Variants in BMS1 observed in about 807,000 individuals in gnomAD.
BMS1 encodes ribosome biogenesis protein BMS1 homolog.
A neutral mutation model predicts 138.7 loss-of-function variants in BMS1; 53 were observed. That is an observed-to-expected ratio of 0.38 (90% confidence interval 0.31 to 0.48). The LOEUF (loss-of-function observed/expected upper bound fraction) is 0.48. BMS1 is among the 20% of genes least tolerant of loss of function. The pLI is 0.97. For synonymous variants in BMS1, 504 were observed against 539.9 expected (o/e 0.93, Z 0.92); for missense variants, 1,360 against 1,565.5 (o/e 0.87, Z 2.22).
Position 42,832,424 on chromosome 10 carries a change from CAA to C in BMS1, c.*1339_*1340del, listed in dbSNP as rs55818372. 67 of 148,586 alleles carry C rather than the reference CAA, an allele frequency of 4.5e-4. No homozygotes were observed. Among genetic ancestry groups the C allele is most frequent in the Middle Eastern group, 3.5e-3 (1 of 288 alleles). The allele number at this position is 148,586 out of a possible 1,614,324, so 9.2% of individuals were successfully genotyped here. On this transcript the variant is annotated 3_prime_UTR_variant, in exon 23 of 23. Coordinates refer to ENST00000374518, the MANE Select transcript of BMS1 (RefSeq NM_014753.4). Reference sequence around the variant, plus strand: ...TGGGCGACAGGGCAAGACCCTGTTTCAAAAAAAAAAAATTATACATATATGTA... The same window carrying C: ...TGGGCGACAGGGCAAGACCCTGTTTCAAAAAAAAAATTATACATATATGTA...
rs376992587 is a variant in BMS1 at position 42,833,673 on chromosome 10, G to A, written c.*2577G>A. 1.3e-5 allele frequency: 2 copies of A among 152,270 alleles called. No individual in the cohort carries two copies. Among genetic ancestry groups the A allele is most frequent in the South Asian group, 2.1e-4 (1 of 4,818 alleles). The allele number at this position is 152,270 out of a possible 1,614,324, so 9.4% of individuals were successfully genotyped here. On this transcript the variant is annotated 3_prime_UTR_variant, in exon 23 of 23. Transcript: ENST00000374518. ...GTCCATCCTTGACTGAACATCATGCGGCATGTGGCTGTATGTATACACATA... is the reference window on the plus strand; with the variant it reads ...GTCCATCCTTGACTGAACATCATGCAGCATGTGGCTGTATGTATACACATA...
intron 2 of BMS1, 137 bp downstream of exon 2, chr10:42,784,707 C>A: frequency 1.9e-6 from 2 of 1,031,668 alleles, no homozygotes; most frequent in East Asian, 2.7e-5. Flanking sequence ...GTGGCTTTCA[C>A]TAAAACGTGA....
intron 13 of BMS1, among the ~76,000 whole-genome samples, chr10:42,810,150 C>T (rs527817925): frequency 3.5e-4 from 53 of 152,148 alleles, no homozygotes; most frequent in African/African-American, 1.2e-3. Flanking sequence ...TGGAATAACT[C>T]TCACTTGATC....
intron 13 of BMS1, among the ~76,000 whole-genome samples, chr10:42,814,170 A>G (rs1248262782): frequency 6.6e-6 from 1 of 152,204 alleles, no homozygotes; most frequent in African/African-American, 2.4e-5. Flanking sequence ...GTCAGGAATT[A>G]GTTATTTGCA....
Position 42,784,382 on chromosome 10 carries a change from G to A in BMS1, c.-13G>A, listed in dbSNP as rs751990017. On this transcript the variant is annotated 5_prime_UTR_variant, in exon 2 of 23. Transcript: ENST00000374518. Reference sequence around the variant, plus strand: ...TGTAGGTTAGAGTTACTTGTTATTGGTAAATAGCCACTATGGAGGCTAAGG... The same window carrying A: ...TGTAGGTTAGAGTTACTTGTTATTGATAAATAGCCACTATGGAGGCTAAGG... 6.3e-6 allele frequency: 10 copies of A among 1,588,412 alleles called. No individual in the cohort carries two copies. The South Asian group carries it at 9.1e-5, about 14-fold the overall frequency.
At chr10:42,808,955 T>G (rs1316420459) in intron 13 of BMS1, among the ~76,000 whole-genome samples, 5 of 152,180 alleles carry the variant, frequency 3.3e-5, no homozygotes, top group African/African-American at 1.2e-4. Flanking sequence ...CTTACTTTAT[T>G]CTTGTTTTTC....
At chr10:42,793,323 A>G (rs539159057) in intron 8 of BMS1, among the ~76,000 whole-genome samples, 179 bp downstream of exon 8, 9 of 151,406 alleles carry the variant, frequency 5.9e-5, no homozygotes, top group South Asian at 2.1e-4. Flanking sequence ...TTTTTTTTTC[A>G]TTGTACCAAG....
At chr10:42,810,438 TTTTTG>T (rs763605538) in intron 13 of BMS1, among the ~76,000 whole-genome samples, 3 of 152,158 alleles carry the variant, frequency 2.0e-5, no homozygotes, top group African/African-American at 7.2e-5. Context: ...TCTGTGAGTT[TTTTTG>T]TTTTGTTTTG....
chr10:42,789,181 C>T (rs1841429200), intron 4 of BMS1, among the ~76,000 whole-genome samples: 1 of 152,188 alleles, frequency 6.6e-6, no homozygotes, highest in Non-Finnish European at 1.5e-5. Flanking sequence ...CCCTGTTCTT[C>T]CTGACCCTAC....
chr10:42,802,726 A>G (rs907050412), intron 13 of BMS1, among the ~76,000 whole-genome samples: 1 of 151,398 alleles, frequency 6.6e-6, no homozygotes, highest in Non-Finnish European at 1.5e-5. Context: ...TGTACTTTTT[A>G]TAAATTTTGT....
intron 21 of BMS1, among the ~76,000 whole-genome samples, chr10:42,828,584 C>G (rs553042927): frequency 1.5e-4 from 23 of 152,048 alleles, no homozygotes; most frequent in Middle Eastern, 3.4e-3. Context: ...CCTGCTGTTC[C>G]ACGTGCTTGC....
At chr10:42,805,101 A>G (rs1841976407) in intron 13 of BMS1, among the ~76,000 whole-genome samples, 1 of 152,174 alleles carries the variant, frequency 6.6e-6, no homozygotes, top group Non-Finnish European at 1.5e-5. Flanking sequence ...TGTCTCATAT[A>G]TTCTGTAAGT....
intron 13 of BMS1, among the ~76,000 whole-genome samples, chr10:42,807,285 A>G (rs1308836048): frequency 6.6e-6 from 1 of 152,210 alleles, no homozygotes; most frequent in Non-Finnish European, 1.5e-5. Context: ...AAATAAACAG[A>G]ATCATACAGT....
Position 42,830,341 on chromosome 10 carries a change from G to A in BMS1, c.3537G>A (p.Lys1179=), listed in dbSNP as rs922672798. 4.3e-6 allele frequency: 7 copies of A among 1,613,914 alleles called. No individual in the cohort carries two copies. Among genetic ancestry groups the A allele is most frequent in the Non-Finnish European group, 5.9e-6 (7 of 1,180,028 alleles). The change falls in exon 22 of 23, where the codon AAG becomes AAA. Residue 1179 remains lysine, a synonymous_variant. Coordinates refer to ENST00000374518, the MANE Select transcript of BMS1 (RefSeq NM_014753.4). The part of the protein sequence containing the change: ...ALQKALPFKN[K]PKTQAKAGKV... ...AGAAGGCCCTGCCATTTAAGAACAA[G>A]CCCAAGACCCAAGCAAAGGCAGGCA...
chr10:42,794,129 C>T (rs1480603116), intron 9 of BMS1, 138 bp downstream of exon 9: 4 of 938,660 alleles, frequency 4.3e-6, no homozygotes, highest in Non-Finnish European at 6.3e-6. Context: ...GCATGTGTCT[C>T]TGAGGGCTCT....
chr10:42,792,450 CT>C (rs746806230), intron 6 of BMS1, 42 bp from the exon 7 acceptor site: 1 of 1,603,596 alleles, frequency 6.2e-7, no homozygotes, highest in South Asian at 1.1e-5. Flanking sequence ...GGTATAGGAA[CT>C]TTTGGCATTC....
intron 21 of BMS1, among the ~76,000 whole-genome samples, chr10:42,828,326 G>T (rs61844832): frequency 0.092 from 14,000 of 152,300 alleles, 752 homozygotes; most frequent in African/African-American, 0.12. Flanking sequence ...GTATATGACT[G>T]TGTCACCATT....
chr10:42,816,500 G>A (rs1842353294), intron 13 of BMS1, 99 bp from the exon 14 acceptor site: 6 of 907,374 alleles, frequency 6.6e-6, no homozygotes, highest in South Asian at 1.8e-5. Context: ...GTGAGAATGA[G>A]GCTTGGAACG....
intron 21 of BMS1, 47 bp from the exon 22 acceptor site, chr10:42,830,214 C>T (rs1392081319): frequency 1.9e-6 from 3 of 1,594,160 alleles, no homozygotes; most frequent in African/African-American, 2.7e-5. Context: ...TTTAAATGCA[C>T]ATTGATCATA....
Sources: gnomAD v4.1 joint callset for allele counts (sites outside exome capture counted in the v4.1 genomes callset) on GRCh38, gnomAD v4.1.1 for gene constraint, MANE v1.5 for transcripts, NCBI Gene and HGNC (gene_info 2026-07-23, HGNC 2026-07-21) for gene names.